Variants in ZNF385B observed in about 807,000 individuals in gnomAD.
The protein encoded by ZNF385B is zinc finger protein 533.
Under a neutral mutation model 39.2 loss-of-function variants are expected in ZNF385B, and 23 were observed. That is an observed-to-expected ratio of 0.59 (90% CI 0.42 to 0.83). ZNF385B has a LOEUF of 0.83. Among genes scored for constraint, ZNF385B ranks in the 40% least tolerant of loss-of-function variants. The probability of loss-of-function intolerance (pLI) is 0.00; values close to 1 mark genes in which losing one functional copy is unlikely to be tolerated. For synonymous variants in ZNF385B, 205 were observed against 222.6 expected (o/e 0.92, Z 0.70); for missense variants, 552 against 598.9 (o/e 0.92, Z 0.82).
chr2:179,443,558 A>T, intron 9 of ZNF385B, 90 bp from the exon 10 acceptor site: 1 of 970,928 alleles, frequency 1.0e-6, no homozygotes, highest in Non-Finnish European at 1.6e-6. Flanking sequence ...AAACACCAAC[A>T]TTAAGAAGTC....
chr2:179,793,459 T>A (rs1003955609), intron 1 of ZNF385B, among the ~76,000 whole-genome samples: 2 of 152,188 alleles, frequency 1.3e-5, no homozygotes, highest in African/African-American at 4.8e-5. Flanking sequence ...GATTGGATCA[T>A]GGGGATAGTT....
chr2:179,560,962 C>T (rs931538635), intron 3 of ZNF385B, among the ~76,000 whole-genome samples: 4 of 152,140 alleles, frequency 2.6e-5, no homozygotes, highest in Non-Finnish European at 4.4e-5. Flanking sequence ...CGTGCTCCCA[C>T]GACGGTATCT....
chr2:179,552,513 T>C (rs1028737272), intron 3 of ZNF385B, among the ~76,000 whole-genome samples: 1 of 149,488 alleles, frequency 6.7e-6, no homozygotes, highest in Non-Finnish European at 1.5e-5. Context: ...AAGATTTCTT[T>C]AAAGAAATTT....
intron 6 of ZNF385B, among the ~76,000 whole-genome samples, chr2:179,472,195 A>G (rs1221963482): frequency 6.6e-6 from 1 of 152,230 alleles, no homozygotes; most frequent in African/African-American, 2.4e-5. Context: ...TAAGCAGGAC[A>G]GCTGCTAATG....
chr2:179,706,058 G>A lies in ZNF385B; in HGVS notation c.298+63445C>T, dbSNP rs560441944. Among the ~76,000 whole-genome samples the A allele has an allele frequency of 4.2e-3, 643 of 152,222 alleles. 3 individuals carry two copies. Among genetic ancestry groups the A allele is most frequent in the Non-Finnish European group, 7.0e-3 (477 of 68,006 alleles). ...GGTTAACCCTAAGAATGGCCCTATG[G>A]TATAAAAAGAATGTGTGTTTGCAAT... is the stretch of plus-strand genomic sequence containing the variant. On this transcript the variant is annotated intron_variant, in intron 3 of 9. Coordinates refer to ENST00000410066, the MANE Select transcript of ZNF385B (RefSeq NM_152520.6).
chr2:179,857,714 A>T (rs900931501), intron 1 of ZNF385B, among the ~76,000 whole-genome samples: 2 of 152,338 alleles, frequency 1.3e-5, no homozygotes, highest in Admixed American at 1.3e-4. Context: ...ACCATTTAAG[A>T]TTATATTTTA....
At chr2:179,454,810 C>T (rs1312923256) in intron 6 of ZNF385B, among the ~76,000 whole-genome samples, 3 of 152,100 alleles carry the variant, frequency 2.0e-5, no homozygotes, top group Non-Finnish European at 4.4e-5. Flanking sequence ...ATTTTTGTAG[C>T]ACTCTACAGT....
At chr2:179,778,784 TA>T (rs1704494843) in intron 1 of ZNF385B, among the ~76,000 whole-genome samples, 1 of 152,080 alleles carries the variant, frequency 6.6e-6, no homozygotes, top group African/African-American at 2.4e-5. Flanking sequence ...ACAAACAACA[TA>T]AAAAAGATTG....
intron 1 of ZNF385B, among the ~76,000 whole-genome samples, chr2:179,782,861 T>C (rs1271264391): frequency 6.6e-6 from 1 of 152,200 alleles, no homozygotes; most frequent in Admixed American, 6.5e-5. Flanking sequence ...AAACATCCCA[T>C]GCTCATGGAT....
intron 3 of ZNF385B, among the ~76,000 whole-genome samples, chr2:179,611,367 C>T (rs1230029419): frequency 3.9e-5 from 6 of 152,068 alleles, no homozygotes; most frequent in Non-Finnish European, 8.8e-5. Context: ...GTATGTTAAA[C>T]CATCCTTGAA....
intron 3 of ZNF385B, among the ~76,000 whole-genome samples, chr2:179,729,058 T>G (rs112537392): frequency 1.3e-5 from 2 of 150,648 alleles, no homozygotes; most frequent in African/African-American, 4.9e-5. Context: ...AAAGAAAATT[T>G]AGTTCACATA....
intron 5 of ZNF385B, among the ~76,000 whole-genome samples, chr2:179,505,959 T>C (rs1394881501): frequency 2.0e-5 from 3 of 152,128 alleles, no homozygotes. Flanking sequence ...ATTGCTGTGA[T>C]TGCAGTTGAG....
At chr2:179,502,572 C>T (rs1333583620) in intron 5 of ZNF385B, among the ~76,000 whole-genome samples, 1 of 152,106 alleles carries the variant, frequency 6.6e-6, no homozygotes, top group Admixed American at 6.6e-5. Context: ...GCTTGCTTCC[C>T]CTTTGCCTTC....
At chr2:179,555,244 T>C (rs1479952928) in intron 3 of ZNF385B, among the ~76,000 whole-genome samples, 2 of 149,716 alleles carry the variant, frequency 1.3e-5, no homozygotes, top group Non-Finnish European at 3.0e-5. Flanking sequence ...GAGTACATGC[T>C]GTATGATACC....
chr2:179,458,049 G>C (rs2050895368), intron 6 of ZNF385B, among the ~76,000 whole-genome samples: 1 of 152,128 alleles, frequency 6.6e-6, no homozygotes, highest in African/African-American at 2.4e-5. Flanking sequence ...ATACCTTCTT[G>C]AATGTTTGTC....
chr2:179,836,120 C>T (rs900012334), intron 1 of ZNF385B, among the ~76,000 whole-genome samples: 2 of 152,188 alleles, frequency 1.3e-5, no homozygotes, highest in African/African-American at 4.8e-5. Flanking sequence ...AAAAATATTG[C>T]ATGATTCCAC....
At chr2:179,790,408 C>T (rs934794308) in intron 1 of ZNF385B, among the ~76,000 whole-genome samples, 1 of 152,154 alleles carries the variant, frequency 6.6e-6, no homozygotes, top group African/African-American at 2.4e-5. Flanking sequence ...CAGAAACACC[C>T]AGTAAGCTTT....
chr2:179,842,184 A>T (rs1708570599), intron 1 of ZNF385B, among the ~76,000 whole-genome samples: 1 of 152,240 alleles, frequency 6.6e-6, no homozygotes, highest in Non-Finnish European at 1.5e-5. Flanking sequence ...TTTACTATGT[A>T]TATAAACACC....
intron 6 of ZNF385B, among the ~76,000 whole-genome samples, chr2:179,447,526 T>C (rs1323698718): frequency 6.6e-6 from 1 of 152,148 alleles, no homozygotes; most frequent in Non-Finnish European, 1.5e-5. Flanking sequence ...AGAGTTAGAG[T>C]GACTTTAACA....
Sources: gnomAD v4.1 joint callset for allele counts (sites outside exome capture counted in the v4.1 genomes callset) on GRCh38, gnomAD v4.1.1 for gene constraint, MANE v1.5 for transcripts, NCBI Gene and HGNC (gene_info 2026-07-23, HGNC 2026-07-21) for gene names.